The following AJAP1 variants were observed in gnomAD, a reference collection of about 807,000 sequenced individuals.
The protein encoded by AJAP1 is adherens junctions associated protein 1, also known as adherens junction-associated protein 1.
In AJAP1, 5 loss-of-function variants were observed where a neutral mutation model predicts 35.0. That is an observed-to-expected ratio of 0.14 (90% CI 0.07 to 0.30). AJAP1 has a LOEUF of 0.30. Ranked by LOEUF, AJAP1 falls within the 10% of genes least tolerant of loss-of-function variation. The pLI is 1.00. For synonymous variants in AJAP1, 284 were observed against 249.3 expected (o/e 1.14, Z -1.31); for missense variants, 586 against 571.0 (o/e 1.03, Z -0.27).
intron 1 of AJAP1, among the ~76,000 whole-genome samples, chr1:4,707,972 T>TCG (rs1195425188): frequency 1.7e-5 from 2 of 115,390 alleles, no homozygotes; most frequent in Non-Finnish European, 3.6e-5. Context: ...CGTTTTTTTT[T>TCG]TGTTTTTTTT....
intron 2 of AJAP1, among the ~76,000 whole-genome samples, chr1:4,758,330 C>T (rs1025318934): frequency 6.6e-6 from 1 of 152,086 alleles, no homozygotes. Context: ...TGCATTAGTC[C>T]ATTCTCACAC....
intron 2 of AJAP1, among the ~76,000 whole-genome samples, chr1:4,767,509 T>C (rs575009059): frequency 0.017 from 2,478 of 149,380 alleles, 64 homozygotes; most frequent in South Asian, 0.13. Flanking sequence ...ATCACCATCA[T>C]CACCATCACC....
At position 4,787,328 on chromosome 1, in the gene AJAP1, GGA is replaced by G; in HGVS notation, c.*4849_*4850del. ...GAGTGATGGGGCTGGGGGCAGAGAA[GGA>G]GAGAGGGGAAGAGGGAGAGAGTGGG... is the stretch of plus-strand genomic sequence containing the variant. On this transcript the variant is annotated 3_prime_UTR_variant, in exon 6 of 6. Transcript: ENST00000378191. The G allele has an allele frequency of 4.5e-6, 1 of 224,350 alleles. No homozygotes were observed. The highest frequency in any genetic ancestry group is 5.3e-5 in the South Asian group (1 of 18,908). The allele number at this position is 224,350 out of a possible 1,614,324, so 13.9% of individuals were successfully genotyped here. A position where few individuals can be genotyped will look rare whatever the true frequency, so the allele number is the denominator to read the frequency against.
At chr1:4,718,629 C>T (rs866674031) in intron 2 of AJAP1, among the ~76,000 whole-genome samples, 2 of 151,984 alleles carry the variant, frequency 1.3e-5, no homozygotes, top group Non-Finnish European at 2.9e-5. Flanking sequence ...ACTATAGGCA[C>T]GTGCCACTAA....
chr1:4,700,919 G>A (rs1639973076), intron 1 of AJAP1, among the ~76,000 whole-genome samples: 1 of 152,174 alleles, frequency 6.6e-6, no homozygotes, highest in Non-Finnish European at 1.5e-5. Flanking sequence ...AGGGACAGGG[G>A]AGCGGGGCCC....
intron 1 of AJAP1, among the ~76,000 whole-genome samples, chr1:4,671,298 G>A (rs895763623): frequency 1.3e-5 from 2 of 152,002 alleles, no homozygotes; most frequent in African/African-American, 2.4e-5. Flanking sequence ...GGACCTGGGA[G>A]GAGGAGGTTG....
chr1:4,655,467 G>T lies in AJAP1; in HGVS notation c.29+13G>T, dbSNP rs375008569. 193 of 1,565,436 alleles carry T rather than the reference G, an allele frequency of 1.2e-4. 2 individuals carry two copies. In the South Asian group the frequency reaches 1.7e-3, roughly 14 times the overall value. On this transcript the variant is annotated intron_variant, in intron 1 of 5. Coordinates refer to ENST00000378191, the MANE Select transcript of AJAP1 (RefSeq NM_018836.4). This position sits in a 1 kb window ranked among gnomAD's most constrained non-coding sequence, Gnocchi z 6.9. ...TTTTAGGACTCAGGTGAGCGACCCG[G>T]CCGGCGCCGGGTGCGTGTGGGCGCG...
At position 4,755,835 on chromosome 1, in the gene AJAP1, C is replaced by G. The variant is rs887352511; in HGVS notation, c.830-14018C>G. ...GGCGGGGTGGTGGGGGGATTAAAAA[C>G]GACTAGGAGGAAACACTGGAGTAAG... On this transcript the variant is annotated intron_variant, in intron 2 of 5. Coordinates refer to ENST00000378191, the MANE Select transcript of AJAP1 (RefSeq NM_018836.4). Among the ~76,000 whole-genome samples the G allele has an allele frequency of 2.6e-5, 4 of 151,934 alleles. No homozygotes were observed. In the East Asian group the frequency reaches 7.8e-4, roughly 29 times the overall value.
rs2100498387 is a variant in AJAP1 at position 4,656,970 on chromosome 1, G to C, written c.29+1516G>C. 6.6e-6 allele frequency among the ~76,000 whole-genome samples: 1 copy of C among 152,286 alleles called. No individual in the cohort carries two copies. Among genetic ancestry groups the C allele is most frequent in the South Asian group, 2.1e-4 (1 of 4,828 alleles). On this transcript the variant is annotated intron_variant, in intron 1 of 5. Transcript: ENST00000378191. This position sits in a 1 kb window ranked among gnomAD's most constrained non-coding sequence, Gnocchi z 5.7. ...CCCTGCTCTGCCCCGGACTGTCCCAGGTCTCAGCAAGACCTTCCAAGGCTT... is the reference window on the plus strand; with the variant it reads ...CCCTGCTCTGCCCCGGACTGTCCCACGTCTCAGCAAGACCTTCCAAGGCTT...
intron 2 of AJAP1, among the ~76,000 whole-genome samples, chr1:4,760,365 ATG>A (rs551752463): frequency 1.0e-3 from 158 of 151,754 alleles, no homozygotes; most frequent in African/African-American, 3.5e-3. Flanking sequence ...GTGTGTGTGC[ATG>A]TGTGTGTATG....
intron 1 of AJAP1, among the ~76,000 whole-genome samples, chr1:4,696,162 G>A (rs1204065241): frequency 6.6e-6 from 1 of 150,480 alleles, no homozygotes; most frequent in African/African-American, 2.4e-5. Context: ...GAGGGGGGGA[G>A]CAGGGAGGCT....
At position 4,693,841 on chromosome 1, in the gene AJAP1, G is replaced by A. The variant is rs2100231261; in HGVS notation, c.30-18059G>A. ...CCTTTTATCAGGAACCCACTTGGGG[G>A]AGATAATGGCATTCAGCCATTCAAG... On this transcript the variant is annotated intron_variant, in intron 1 of 5. Coordinates refer to ENST00000378191, the MANE Select transcript of AJAP1 (RefSeq NM_018836.4). The surrounding 1 kb of genome is among the most constrained non-coding windows in gnomAD (Gnocchi z 4.4). 6.6e-6 allele frequency among the ~76,000 whole-genome samples: 1 copy of A among 152,294 alleles called. No homozygotes were observed. Among genetic ancestry groups the A allele is most frequent in the East Asian group, 1.9e-4 (1 of 5,158 alleles).
Position 4,711,890 on chromosome 1 carries a change from C to G in AJAP1, c.30-10C>G. Reference sequence around the variant, plus strand: ...ACTGACCGCTCTTCTCTCCTTTCCCCCCCGCACAGCTCCATGTCCATCCGC... The same window carrying G: ...ACTGACCGCTCTTCTCTCCTTTCCCGCCCGCACAGCTCCATGTCCATCCGC... On this transcript the variant is annotated splice_polypyrimidine_tract_variant and intron_variant, in intron 1 of 5. Coordinates refer to ENST00000378191, the MANE Select transcript of AJAP1 (RefSeq NM_018836.4). 6.8e-7 allele frequency: 1 copy of G among 1,473,722 alleles called. No homozygotes were observed. Among genetic ancestry groups the G allele is most frequent in the Non-Finnish European group, 9.0e-7 (1 of 1,114,718 alleles). 91.3% of individuals were successfully genotyped at this position (1,473,722 alleles called of 1,614,324 possible). A position where few individuals can be genotyped will look rare whatever the true frequency, so the allele number is the denominator to read the frequency against.
At chr1:4,766,538 G>A (rs944463337) in intron 2 of AJAP1, among the ~76,000 whole-genome samples, 3 of 152,186 alleles carry the variant, frequency 2.0e-5, no homozygotes, top group Admixed American at 1.3e-4. Flanking sequence ...GGGGCCACAT[G>A]TCAGAAGTCC....
rs58022692 is a variant in AJAP1 at position 4,705,395 on chromosome 1, C to CTTTTTTTT, written c.30-6478_30-6471dup. ...AGCCAAATGGGGAAGTTTTGAAGAG[C>CTTTTTTTT]TTTTTTTTTTTTTTTTTTTTTTTTT... On this transcript the variant is annotated intron_variant, in intron 1 of 5. Coordinates refer to ENST00000378191, the MANE Select transcript of AJAP1 (RefSeq NM_018836.4). Among the ~76,000 whole-genome samples the CTTTTTTTT allele has an allele frequency of 4.2e-4, 10 of 23,802 alleles. 3 individuals are homozygous for CTTTTTTTT. The highest frequency in any genetic ancestry group is 1.7e-3 in the Admixed American group (2 of 1,194). The allele number at this position is 23,802 out of a possible 152,430, so 15.6% of individuals were successfully genotyped here.
At position 4,655,507 on chromosome 1, in the gene AJAP1, G is replaced by T; in HGVS notation, c.29+53G>T. On this transcript the variant is annotated intron_variant, in intron 1 of 5. Transcript: ENST00000378191. The surrounding 1 kb of genome is among the most constrained non-coding windows in gnomAD (Gnocchi z 6.9). ...GTGTGGGCGCGTGGGTGCCAGGCTGGGCGGAAGCGGCGCTTTCCTCTATGT... is the reference window on the plus strand; with the variant it reads ...GTGTGGGCGCGTGGGTGCCAGGCTGTGCGGAAGCGGCGCTTTCCTCTATGT... The T allele has an allele frequency of 6.5e-7, 1 of 1,544,380 alleles. No homozygotes were observed. Among genetic ancestry groups the T allele is most frequent in the Non-Finnish European group, 8.8e-7 (1 of 1,141,652 alleles).
intron 2 of AJAP1, among the ~76,000 whole-genome samples, chr1:4,769,563 G>A (rs780071113): frequency 5.3e-5 from 8 of 152,168 alleles, no homozygotes; most frequent in African/African-American, 1.7e-4. Flanking sequence ...GAACACAGCC[G>A]CCCATGATCC....
At chr1:4,746,913 G>A (rs879791443) in intron 2 of AJAP1, among the ~76,000 whole-genome samples, 3 of 152,190 alleles carry the variant, frequency 2.0e-5, no homozygotes, top group African/African-American at 7.2e-5. Context: ...TTGTGACCCC[G>A]CACTGCAGGG....
At chr1:4,775,189 T>G (rs906466998) in intron 5 of AJAP1, among the ~76,000 whole-genome samples, 4 of 152,220 alleles carry the variant, frequency 2.6e-5, no homozygotes, top group African/African-American at 9.6e-5. Flanking sequence ...ATATTAACTT[T>G]AATGCTAACG....
Sources: allele counts gnomAD v4.1 joint callset (sites outside exome capture counted in the v4.1 genomes callset), GRCh38; gene constraint gnomAD v4.1.1; non-coding constraint Gnocchi (gnomAD v3.1); transcripts MANE v1.5; gene names NCBI Gene and HGNC (gene_info 2026-07-23, HGNC 2026-07-21).